CDKN2AIP: variants seen among roughly 807,000 people sequenced by gnomAD.
CDKN2AIP encodes CDKN2A-interacting protein.
In CDKN2AIP, 12 loss-of-function variants were observed where a neutral mutation model predicts 44.1. The observed-to-expected ratio is 0.27, with a 90% CI of 0.17 to 0.44. CDKN2AIP has a LOEUF of 0.44. CDKN2AIP is among the 20% of genes least tolerant of loss of function. The pLI is 1.00. For missense variants in CDKN2AIP, 705 were observed against 681.6 expected, an observed-to-expected ratio of 1.03 and a Z score of -0.38; for synonymous variants, 291 against 272.1, an observed-to-expected ratio of 1.07 and a Z score of -0.68.
Position 183,446,169 on chromosome 4 carries a change from C to CT in CDKN2AIP, c.486dup (p.Ala163CysfsTer39). On this transcript the variant is annotated frameshift_variant, in exon 3 of 3. Coordinates refer to ENST00000504169, the MANE Select transcript of CDKN2AIP (RefSeq NM_017632.4). LOFTEE classifies it high-confidence loss of function. Reference sequence around the variant, plus strand: ...GTTGAGCAAGATCACGCAAAAACCTCTGCCAAGACAGAACGTGCATCAGCT... The same window carrying CT: ...GTTGAGCAAGATCACGCAAAAACCTCTTGCCAAGACAGAACGTGCATCAGCT... 6.2e-7 allele frequency: 1 copy of CT among 1,614,156 alleles called. No homozygotes were observed. The highest frequency in any genetic ancestry group is 8.5e-7 in the Non-Finnish European group (1 of 1,179,976).
At position 183,444,954 on chromosome 4, in the gene CDKN2AIP, G is replaced by A. The variant is rs1439147070; in HGVS notation, c.157G>A (p.Ala53Thr). Residue 53 changes from alanine (A) to threonine (T), a missense_variant, in exon 1 of 3, where the codon GCC becomes ACC. By Grantham distance (58) the Ala-to-Thr change is moderately conservative. Around this residue, in one of 2 missense-constraint regions of CDKN2AIP, gnomAD observed 592 missense variants for 518.0 expected, o/e 1.14. Transcript: ENST00000504169. ...AGDLAPAGGA[A>T]SASTDEAADA... ...GGACCTGGCCCCCGCTGGCGGCGCTGCCTCCGCTAGCACGGATGAAGCTGC... is the reference window on the plus strand; with the variant it reads ...GGACCTGGCCCCCGCTGGCGGCGCTACCTCCGCTAGCACGGATGAAGCTGC... The A allele has an allele frequency of 1.9e-6, 3 of 1,611,498 alleles. No individual in the cohort carries two copies. Among genetic ancestry groups the A allele is most frequent in the Non-Finnish European group, 2.5e-6 (3 of 1,178,946 alleles).
In CDKN2AIP at chr4:183,448,504, T is replaced by C. The variant is rs1161475303; in HGVS notation, c.*1077T>C. 2.0e-5 allele frequency among the ~76,000 whole-genome samples: 3 copies of C among 152,224 alleles called. No homozygotes were observed. The highest frequency in any genetic ancestry group is 7.2e-5 in the African/African-American group (3 of 41,476). ...CGTTAAAATGAAGTGGAATTTTGTT[T>C]TCGTCTTAGGTGATTCTGCCTGTTT... On this transcript the variant is annotated 3_prime_UTR_variant, in exon 3 of 3. Coordinates refer to ENST00000504169, the MANE Select transcript of CDKN2AIP (RefSeq NM_017632.4).
Position 183,445,192 on chromosome 4 carries a change from G to T in CDKN2AIP, c.272+123G>T, listed in dbSNP as rs1733640146. 6 of 1,242,686 alleles carry T rather than the reference G, an allele frequency of 4.8e-6. No homozygotes were observed. The South Asian group carries it at 7.4e-5, about 15-fold the overall frequency. The allele number at this position is 1,242,686 out of a possible 1,614,324, so 77.0% of individuals were successfully genotyped here. On this transcript the variant is annotated intron_variant, in intron 1 of 2. Transcript: ENST00000504169. Reference sequence around the variant, plus strand: ...GGGAAGTTGTGAAGCGCGGGAATCCGCCGGCCCGGCTGCCCTCTAAGGGGG... The same window carrying T: ...GGGAAGTTGTGAAGCGCGGGAATCCTCCGGCCCGGCTGCCCTCTAAGGGGG...
chr4:183,447,133 C>T lies in CDKN2AIP; in HGVS notation c.1449C>T (p.Val483=). 2 of 1,613,762 alleles carry T rather than the reference C, an allele frequency of 1.2e-6. No homozygotes were observed. Among genetic ancestry groups the T allele is most frequent in the Non-Finnish European group, 1.7e-6 (2 of 1,179,758 alleles). The change falls in exon 3 of 3, where the codon GTC becomes GTT. Residue 483 remains valine (V), a synonymous_variant. Coordinates refer to ENST00000504169, the MANE Select transcript of CDKN2AIP (RefSeq NM_017632.4). ...AAGCAACACTGGATGTATTTTTTGT[C>T]CCACTAAAAGAATTGGCAGATCTGC... The part of the protein sequence containing the change: ...ALKATLDVFF[V]PLKELADLPQ...
intron 2 of CDKN2AIP, 87 bp downstream of exon 2, chr4:183,445,752 C>G (rs1331957485): frequency 2.7e-6 from 3 of 1,119,060 alleles, no homozygotes; most frequent in Non-Finnish European, 3.9e-6. Flanking sequence ...ATTTTTTTAA[C>G]AAGCCAGAAT....
Position 183,445,626 on chromosome 4 carries a change from G to A in CDKN2AIP, c.364G>A (p.Val122Ile). ...APTYTTRDELVAKVKKRGISS... is the reference protein window; with the variant it reads ...APTYTTRDELIAKVKKRGISS... ...AACCTATACAACAAGAGATGAACTG[G>A]TTGCCAAGGTGAAGAAAAGAGGGAT... The change falls in exon 2 of 3, where the codon GTT (valine) becomes ATT (isoleucine). Residue 122 changes from valine to isoleucine, a missense_variant. By Grantham distance (29) the Val-to-Ile change is conservative. Coordinates refer to ENST00000504169, the MANE Select transcript of CDKN2AIP (RefSeq NM_017632.4). 1 of 1,611,464 alleles carries A rather than the reference G, an allele frequency of 6.2e-7. No individual in the cohort carries two copies. The highest frequency in any genetic ancestry group is 8.5e-7 in the Non-Finnish European group (1 of 1,177,586).
At position 183,445,584 on chromosome 4, in the gene CDKN2AIP, A is replaced by C. The variant is rs1002760501; in HGVS notation, c.322A>C (p.Lys108Gln). The C allele has an allele frequency of 2.5e-6, 4 of 1,608,196 alleles. No individual in the cohort carries two copies. In the African/African-American group the frequency reaches 5.3e-5, roughly 21 times the overall value. The stretch of plus-strand genomic sequence containing the variant: ...AATACTTAGTATGGCTGAAGGCATC[A>C]AAGTGACAGATGCTCCAACCTATAC... ...DKILSMAEGI[K>Q]VTDAPTYTTR... The change falls in exon 2 of 3, where the codon AAA becomes CAA. Residue 108 changes from lysine (K) to glutamine (Q), a missense_variant. Coordinates refer to ENST00000504169, the MANE Select transcript of CDKN2AIP (RefSeq NM_017632.4).
Position 183,444,807 on chromosome 4 carries a change from G to A in CDKN2AIP, c.10G>A (p.Glu4Lys). 1 of 1,541,930 alleles carries A rather than the reference G, an allele frequency of 6.5e-7. No homozygotes were observed. Among genetic ancestry groups the A allele is most frequent in the Non-Finnish European group, 8.8e-7 (1 of 1,139,834 alleles). Residue 4 changes from glutamate (E) to lysine (K), a missense_variant, in exon 1 of 3, where the codon GAG becomes AAG. This residue lies in a region of CDKN2AIP where 592 missense variants were observed against 518.0 expected (regional missense o/e 1.14). Coordinates refer to ENST00000504169, the MANE Select transcript of CDKN2AIP (RefSeq NM_017632.4). ...GGCCTGCAGGCCCAACATGGCGCAG[G>A]AGGTGTCGGAGTACCTGAGCCAGAA... Reference protein sequence around the residue: MAQEVSEYLSQNPR... With the variant: MAQKVSEYLSQNPR...
chr4:183,444,824 G>A lies in CDKN2AIP; in HGVS notation c.27G>A (p.Leu9=). 6.4e-7 allele frequency: 1 copy of A among 1,555,072 alleles called. No individual in the cohort carries two copies. ...TGGCGCAGGAGGTGTCGGAGTACCTGAGCCAGAACCCGCGGGTGGCAGCCT... is the reference window on the plus strand; with the variant it reads ...TGGCGCAGGAGGTGTCGGAGTACCTAAGCCAGAACCCGCGGGTGGCAGCCT... MAQEVSEY[L]SQNPRVAAWV... The change falls in exon 1 of 3, where the codon CTG becomes CTA. Residue 9 remains leucine (L), a synonymous_variant. Transcript: ENST00000504169.
Position 183,447,070 on chromosome 4 carries a change from T to C in CDKN2AIP, c.1386T>C (p.Asn462=). 6.2e-7 allele frequency: 1 copy of C among 1,614,084 alleles called. No individual in the cohort carries two copies. The highest frequency in any genetic ancestry group is 1.1e-5 in the South Asian group (1 of 91,082). ...TTGGTGGCTTTAGTCCCAATGTGAATCATGGAGAGCTCCTAAATGCAGCTA... is the reference window on the plus strand; with the variant it reads ...TTGGTGGCTTTAGTCCCAATGTGAACCATGGAGAGCTCCTAAATGCAGCTA... The part of the protein sequence containing the change: ...VAVGGFSPNV[N]HGELLNAAIE... Residue 462 remains asparagine (N), a synonymous_variant, in exon 3 of 3, where the codon AAT becomes AAC. Transcript: ENST00000504169.
chr4:183,446,243 A>G lies in CDKN2AIP; in HGVS notation c.559A>G (p.Ser187Gly). 6.2e-7 allele frequency: 1 copy of G among 1,614,112 alleles called. No homozygotes were observed. The highest frequency in any genetic ancestry group is 1.3e-5 in the African/African-American group (1 of 75,056). The change falls in exon 3 of 3, where the codon AGT becomes GGT. Residue 187 changes from serine (S) to glycine (G), a missense_variant. Ser to Gly is a moderately conservative substitution (Grantham distance 56). Transcript: ENST00000504169. ...TATAGGGTCGGCCATCAAATCAGAG[A>G]GTGGGAACTCAGCTCGGAGCTCTGG... Reference protein sequence around the residue: ...TCIGSAIKSESGNSARSSGIS... With the variant: ...TCIGSAIKSEGGNSARSSGIS...
At position 183,446,423 on chromosome 4, in the gene CDKN2AIP, T is replaced by A. The variant is rs1408763159; in HGVS notation, c.739T>A (p.Leu247Met). The part of the protein sequence containing the change: ...DKHGSASFVS[L>M]LKSSVNSHMT... ...ACACGGTTCTGCATCATTTGTTTCC[T>A]TGCTGAAATCCAGTGTGAATAGTCA... The change falls in exon 3 of 3, where the codon TTG becomes ATG. Residue 247 changes from leucine (L) to methionine (M), a missense_variant. This residue lies in a region of CDKN2AIP where 592 missense variants were observed against 518.0 expected (regional missense o/e 1.14). Coordinates refer to ENST00000504169, the MANE Select transcript of CDKN2AIP (RefSeq NM_017632.4). 3.7e-6 allele frequency: 6 copies of A among 1,613,600 alleles called. No homozygotes were observed. In the African/African-American group the frequency reaches 6.7e-5, roughly 18 times the overall value.
intron 1 of CDKN2AIP, chr4:183,445,305 T>C: frequency 1.6e-6 from 1 of 630,636 alleles, no homozygotes; most frequent in Non-Finnish European, 2.7e-6. Flanking sequence ...GGGTTGCTTG[T>C]GTTAGGGAAC....
rs1471800173 is a variant in CDKN2AIP at position 183,448,464 on chromosome 4, CA to C, written c.*1039del. Among the ~76,000 whole-genome samples, 1 of 152,150 alleles carries C rather than the reference CA, an allele frequency of 6.6e-6. No homozygotes were observed. The highest frequency in any genetic ancestry group is 2.4e-5 in the African/African-American group (1 of 41,446). On this transcript the variant is annotated 3_prime_UTR_variant, in exon 3 of 3. Coordinates refer to ENST00000504169, the MANE Select transcript of CDKN2AIP (RefSeq NM_017632.4). ...TTCAGCTCTTGATAATGAGCCTATT[CA>C]ATTTAACTACATTCGTTAAAATGAA...
At chr4:183,445,205 C>A in intron 1 of CDKN2AIP, 136 bp downstream of exon 1, 1 of 1,123,686 alleles carries the variant, frequency 8.9e-7, no homozygotes, top group Non-Finnish European at 1.2e-6. Flanking sequence ...GGCCCGGCTG[C>A]CCTCTAAGGG....
chr4:183,445,804 T>C (rs906436812), intron 2 of CDKN2AIP, 139 bp downstream of exon 2: 1 of 722,768 alleles, frequency 1.4e-6, no homozygotes, highest in Admixed American at 2.7e-5. Flanking sequence ...ATGTTAAACC[T>C]AAAGTATATA....
In CDKN2AIP at chr4:183,446,173, C is replaced by G. The variant is rs769358577; in HGVS notation, c.489C>G (p.Ala163=). The G allele has an allele frequency of 2.5e-6, 4 of 1,614,076 alleles. No individual in the cohort carries two copies. Among genetic ancestry groups the G allele is most frequent in the Non-Finnish European group, 3.4e-6 (4 of 1,179,952 alleles). Residue 163 remains alanine (A), a synonymous_variant, in exon 3 of 3, where the codon GCC becomes GCG. Transcript: ENST00000504169. The part of the protein sequence containing the change: ...AVEQDHAKTS[A]KTERASAQQE... ...AGCAAGATCACGCAAAAACCTCTGC[C>G]AAGACAGAACGTGCATCAGCTCAGC...
Position 183,448,007 on chromosome 4 carries a change from A to C in CDKN2AIP, c.*580A>C, listed in dbSNP as rs938968725. On this transcript the variant is annotated 3_prime_UTR_variant, in exon 3 of 3. Transcript: ENST00000504169. ...TGTTATTTTACTCTGAAGTTGTTTA[A>C]AATTCACCATGACTTTGACCGCTGA... 7.2e-5 allele frequency: 11 copies of C among 152,236 alleles called. No homozygotes were observed. The highest frequency in any genetic ancestry group is 2.4e-4 in the African/African-American group (10 of 41,470). 9.4% of individuals were successfully genotyped at this position (152,236 alleles called of 1,614,324 possible).
chr4:183,446,707 C>A lies in CDKN2AIP; in HGVS notation c.1023C>A (p.Gly341=). 1 of 1,614,166 alleles carries A rather than the reference C, an allele frequency of 6.2e-7. No homozygotes were observed. The highest frequency in any genetic ancestry group is 2.2e-5 in the East Asian group (1 of 44,886). ...SSVAKNSSSS[G]TSLLTPKSSS... Reference sequence around the variant, plus strand: ...TTGCTAAAAACAGTTCCTCATCAGGCACATCCTTACTGACTCCCAAGAGCA... The same window carrying A: ...TTGCTAAAAACAGTTCCTCATCAGGAACATCCTTACTGACTCCCAAGAGCA... Residue 341 remains glycine, a synonymous_variant, in exon 3 of 3, where the codon GGC becomes GGA. Transcript: ENST00000504169.
Sources: allele counts gnomAD v4.1 joint callset (sites outside exome capture counted in the v4.1 genomes callset), GRCh38; gene constraint gnomAD v4.1.1; regional missense constraint gnomAD v4.1.1; transcripts MANE v1.5; gene names NCBI Gene and HGNC (gene_info 2026-07-23, HGNC 2026-07-21).